Variants in RBFOX1 observed in about 807,000 individuals in gnomAD.
The protein encoded by RBFOX1 is RNA binding protein fox-1 homolog 1.
In RBFOX1, 8 loss-of-function variants were observed where a neutral mutation model predicts 57.7. The observed-to-expected ratio is 0.14, with a 90% CI of 0.08 to 0.25. The LOEUF is 0.25. RBFOX1 is among the 10% of genes least tolerant of loss of function. The pLI is 1.00. For synonymous variants in RBFOX1, 326 were observed against 222.4 expected, an observed-to-expected ratio of 1.47 and a Z score of -4.15; for missense variants, 611 against 548.5, an observed-to-expected ratio of 1.11 and a Z score of -1.14.
intron 4 of RBFOX1, among the ~76,000 whole-genome samples, chr16:7,513,979 G>C (rs764965675): frequency 3.3e-5 from 5 of 152,126 alleles, no homozygotes; most frequent in Non-Finnish European, 7.3e-5. Context: ...AGAGTATACA[G>C]GCCCTTTCTC....
chr16:7,508,928 C>A (rs936273071), intron 4 of RBFOX1, among the ~76,000 whole-genome samples: 5 of 152,192 alleles, frequency 3.3e-5, no homozygotes, highest in Admixed American at 3.3e-4. Context: ...ATGGGACTCT[C>A]AAAACCTCTC....
chr16:6,744,853 A>C (rs1401533595), intron 3 of RBFOX1, among the ~76,000 whole-genome samples: 1 of 152,086 alleles, frequency 6.6e-6, no homozygotes, highest in Non-Finnish European at 1.5e-5. Context: ...AAATCAATAA[A>C]ACAGGTAGTA....
intron 2 of RBFOX1, among the ~76,000 whole-genome samples, chr16:6,376,464 C>G (rs186328465): frequency 6.6e-6 from 1 of 152,322 alleles, no homozygotes; most frequent in South Asian, 2.1e-4. Context: ...GTGAATCCTT[C>G]GTTGCCTTTT....
At position 6,966,194 on chromosome 16, in the gene RBFOX1, C is replaced by G. The variant is rs1263331066; in HGVS notation, c.-15-85863C>G. On this transcript the variant is annotated intron_variant, in intron 3 of 15. Transcript: ENST00000550418. Reference sequence around the variant, plus strand: ...CCAGAGGCTTCCTATCTCTCTGAGCCAGCTGCCTTCCCCTCTCTGTCCCAG... The same window carrying G: ...CCAGAGGCTTCCTATCTCTCTGAGCGAGCTGCCTTCCCCTCTCTGTCCCAG... Among the ~76,000 whole-genome samples, 15 of 152,164 alleles carry G rather than the reference C, an allele frequency of 9.9e-5. No homozygotes were observed. The East Asian group carries it at 1.5e-3, about 16-fold the overall frequency.
intron 3 of RBFOX1, among the ~76,000 whole-genome samples, chr16:6,785,091 G>C (rs1260452104): frequency 6.6e-6 from 1 of 152,092 alleles, no homozygotes; most frequent in African/African-American, 2.4e-5. Context: ...TGTGACTTTA[G>C]AAAGTGGTCA....
intron 3 of RBFOX1, among the ~76,000 whole-genome samples, chr16:5,707,431 T>A (rs980271753): frequency 6.6e-6 from 1 of 152,212 alleles, no homozygotes; most frequent in Admixed American, 6.5e-5. Context: ...ATGAGTGCCT[T>A]GCTCATGAAG....
intron 3 of RBFOX1, among the ~76,000 whole-genome samples, chr16:6,936,168 G>A (rs2153485322): frequency 6.6e-6 from 1 of 152,296 alleles, no homozygotes; most frequent in Non-Finnish European, 1.5e-5. Context: ...GTGTGTTGCA[G>A]TCATTGCGAG....
chr16:7,634,358 C>G (rs2061432066), intron 11 of RBFOX1, among the ~76,000 whole-genome samples: 1 of 151,172 alleles, frequency 6.6e-6, no homozygotes. Context: ...TTTTTTTCCT[C>G]CATGGATCTT....
At chr16:5,763,085 G>A (rs2053643856) in intron 3 of RBFOX1, among the ~76,000 whole-genome samples, 1 of 152,180 alleles carries the variant, frequency 6.6e-6, no homozygotes, top group African/African-American at 2.4e-5. Context: ...TAGGATAGGG[G>A]TGGGTGGTTG....
chr16:7,371,736 G>T (rs1329970889), intron 4 of RBFOX1, among the ~76,000 whole-genome samples: 1 of 152,054 alleles, frequency 6.6e-6, no homozygotes, highest in Non-Finnish European at 1.5e-5. Flanking sequence ...GGCGACAAGA[G>T]CAAAACTCTA....
At chr16:5,693,076 A>G (rs1435287939) in intron 3 of RBFOX1, among the ~76,000 whole-genome samples, 1 of 152,178 alleles carries the variant, frequency 6.6e-6, no homozygotes, top group Admixed American at 6.5e-5. Context: ...AGAAGGCAGT[A>G]TTCTGGTTGC....
At chr16:5,578,616 C>A (rs925865721) in intron 2 of RBFOX1, among the ~76,000 whole-genome samples, 1 of 152,188 alleles carries the variant, frequency 6.6e-6, no homozygotes, top group East Asian at 1.9e-4. Flanking sequence ...AAAAGCCTGC[C>A]TTGTTGTTCT....
intron 3 of RBFOX1, among the ~76,000 whole-genome samples, chr16:5,756,192 G>A (rs767328266): frequency 8.2e-6 from 1 of 122,236 alleles, no homozygotes; most frequent in Non-Finnish European, 1.6e-5. Flanking sequence ...TTTGATTTCT[G>A]TGAACCCCCT....
chr16:6,761,622 T>C (rs2076617824), intron 3 of RBFOX1, among the ~76,000 whole-genome samples: 2 of 149,102 alleles, frequency 1.3e-5, no homozygotes, highest in Admixed American at 1.3e-4. Flanking sequence ...GTTCTCTGCC[T>C]CAGCCTCCCA....
chr16:5,288,632 CT>C (rs71142608), intron 1 of RBFOX1, among the ~76,000 whole-genome samples: 9 of 145,884 alleles, frequency 6.2e-5, no homozygotes, highest in Admixed American at 6.7e-5. Flanking sequence ...CTTTCCTTTT[CT>C]TTTTTTTTTT....
At chr16:6,700,447 C>T (rs969458789) in intron 3 of RBFOX1, among the ~76,000 whole-genome samples, 1 of 151,990 alleles carries the variant, frequency 6.6e-6, no homozygotes, top group Non-Finnish European at 1.5e-5. Context: ...CACCTGAGGT[C>T]AGGAGTTGGA....
chr16:7,004,055 C>G (rs1315832198), intron 3 of RBFOX1: 2 of 150,808 alleles, frequency 1.3e-5, no homozygotes, highest in Non-Finnish European at 2.9e-5. Flanking sequence ...TGCACAGGTG[C>G]CATACCACCT....
At chr16:5,698,946 G>C (rs73516399) in intron 3 of RBFOX1, among the ~76,000 whole-genome samples, 8 of 148,272 alleles carry the variant, frequency 5.4e-5, no homozygotes, top group Non-Finnish European at 1.2e-4. Context: ...GTGTAGCTTG[G>C]TTTTAGATAT....
chr16:6,576,737 C>T (rs1280718460), intron 2 of RBFOX1, among the ~76,000 whole-genome samples: 1 of 152,108 alleles, frequency 6.6e-6, no homozygotes, highest in African/African-American at 2.4e-5. Flanking sequence ...TAATTTTTTA[C>T]TGCAACGTTA....
Sources: gnomAD v4.1 joint callset for allele counts (sites outside exome capture counted in the v4.1 genomes callset) on GRCh38, gnomAD v4.1.1 for gene constraint, MANE v1.5 for transcripts, NCBI Gene and HGNC (gene_info 2026-07-23, HGNC 2026-07-21) for gene names.